The following HECW2 variants were observed in gnomAD, a reference collection of about 807,000 sequenced individuals.
The protein encoded by HECW2 is E3 ubiquitin-protein ligase HECW2.
Under a neutral mutation model 175.2 loss-of-function variants are expected in HECW2, and 61 were observed. The ratio of observed to expected loss-of-function variants is 0.35; its 90% CI spans 0.28 to 0.43. The LOEUF is 0.43. HECW2 is among the 20% of genes least tolerant of loss of function. The pLI, the probability that HECW2 is intolerant of heterozygous loss-of-function variation, is 1.00. For missense variants in HECW2, 1,524 were observed against 2,000.5 expected (o/e 0.76, Z 4.54); for synonymous variants, 671 against 731.0 (o/e 0.92, Z 1.32).
intron 28 of HECW2, among the ~76,000 whole-genome samples, chr2:196,206,405 C>T (rs116213052): frequency 6.7e-4 from 102 of 152,302 alleles, no homozygotes; most frequent in African/African-American, 2.3e-3. Context: ...CATGCTTACC[C>T]TCCCTTTTTC....
At chr2:196,412,052 G>A (rs1695127304) in intron 2 of HECW2, among the ~76,000 whole-genome samples, 1 of 152,042 alleles carries the variant, frequency 6.6e-6, no homozygotes, top group South Asian at 2.1e-4. Flanking sequence ...AATTACACGG[G>A]AAGATCTTGT....
chr2:196,376,231 CA>C (rs2105912098), intron 2 of HECW2, among the ~76,000 whole-genome samples: 1 of 152,284 alleles, frequency 6.6e-6, no homozygotes, highest in South Asian at 2.1e-4. Context: ...ATTTAAACAA[CA>C]ATTTGAAGAG....
At chr2:196,420,405 G>A (rs1412614078) in intron 2 of HECW2, among the ~76,000 whole-genome samples, 1 of 152,220 alleles carries the variant, frequency 6.6e-6, no homozygotes, top group Non-Finnish European at 1.5e-5. Flanking sequence ...AAGATTGCAA[G>A]CGTAAGATTG....
At chr2:196,423,684 TTGTGTGTG>T (rs60030164) in intron 2 of HECW2, among the ~76,000 whole-genome samples, 9 of 139,944 alleles carry the variant, frequency 6.4e-5, no homozygotes, top group African/African-American at 1.4e-4. Context: ...TAGTATTCCA[TTGTGTGTG>T]TGTGTGTGTG....
intron 1 of HECW2, among the ~76,000 whole-genome samples, chr2:196,566,245 T>C (rs960346478): frequency 6.7e-6 from 1 of 149,964 alleles, no homozygotes; most frequent in Non-Finnish European, 1.5e-5. Context: ...GTGTAAATGG[T>C]TGTTCCATTA....
chr2:196,438,945 G>A (rs1193764656), intron 1 of HECW2, among the ~76,000 whole-genome samples: 1 of 152,178 alleles, frequency 6.6e-6, no homozygotes, highest in African/African-American at 2.4e-5. Flanking sequence ...ATGAAGTGGG[G>A]AAGGGATGGA....
chr2:196,378,827 A>G (rs1159921884), intron 2 of HECW2, among the ~76,000 whole-genome samples: 1 of 152,226 alleles, frequency 6.6e-6, no homozygotes, highest in Non-Finnish European at 1.5e-5. Flanking sequence ...AAAATCAATG[A>G]GAAACATTCT....
chr2:196,442,956 C>T (rs1053822018), intron 1 of HECW2, among the ~76,000 whole-genome samples: 19 of 151,798 alleles, frequency 1.3e-4, no homozygotes, highest in East Asian at 3.9e-4. Context: ...TCTGATAAAC[C>T]GAAACAGAAA....
chr2:196,559,700 C>T (rs747234719), intron 1 of HECW2, among the ~76,000 whole-genome samples: 1 of 152,116 alleles, frequency 6.6e-6, no homozygotes, highest in Non-Finnish European at 1.5e-5. Flanking sequence ...AGAAAGAATA[C>T]AGAAAGCAGA....
At chr2:196,546,207 A>G (rs1411103634) in intron 1 of HECW2, among the ~76,000 whole-genome samples, 2 of 152,154 alleles carry the variant, frequency 1.3e-5, no homozygotes, top group Admixed American at 6.5e-5. Context: ...CTGTGGTTAG[A>G]TTCTTTGAGG....
At chr2:196,591,339 C>T (rs566160404) in intron 1 of HECW2, among the ~76,000 whole-genome samples, 9 of 152,232 alleles carry the variant, frequency 5.9e-5, no homozygotes, top group African/African-American at 1.9e-4. Flanking sequence ...TAAAGTCTTT[C>T]CAGCCAGAAG....
intron 10 of HECW2, chr2:196,316,556 A>T (rs1431323433): frequency 6.6e-6 from 1 of 152,216 alleles, no homozygotes; most frequent in Non-Finnish European, 1.5e-5. Flanking sequence ...CATTGCTCTC[A>T]TAGAGCTACA....
intron 1 of HECW2, among the ~76,000 whole-genome samples, chr2:196,540,260 TC>T (rs549531694): frequency 1.5e-3 from 233 of 152,344 alleles, no homozygotes; most frequent in African/African-American, 5.3e-3. Context: ...TGAATGTTAC[TC>T]CTTTAAACTT....
At chr2:196,343,531 AT>A (rs1293009489) in intron 3 of HECW2, 125 bp downstream of exon 3, 2 of 654,830 alleles carry the variant, frequency 3.1e-6, no homozygotes, top group African/African-American at 3.7e-5. Context: ...TATATTTTCC[AT>A]CATGGCATAA....
At chr2:196,564,576 G>C (rs906971190) in intron 1 of HECW2, among the ~76,000 whole-genome samples, 1 of 152,134 alleles carries the variant, frequency 6.6e-6, no homozygotes, top group Non-Finnish European at 1.5e-5. Flanking sequence ...GAATGCAACA[G>C]ATGGATCTTA....
chr2:196,435,628 C>T (rs2125277538), intron 1 of HECW2, among the ~76,000 whole-genome samples: 1 of 152,296 alleles, frequency 6.6e-6, no homozygotes, highest in Non-Finnish European at 1.5e-5. Flanking sequence ...TTTAAATTAT[C>T]TGTATTTAAG....
intron 2 of HECW2, among the ~76,000 whole-genome samples, chr2:196,423,474 C>G (rs550169017): frequency 6.6e-6 from 1 of 152,008 alleles, no homozygotes; most frequent in African/African-American, 2.4e-5. Context: ...AGTTCATTGA[C>G]AAAAGTTATT....
At chr2:196,556,355 T>C (rs1338881155) in intron 1 of HECW2, among the ~76,000 whole-genome samples, 1 of 152,192 alleles carries the variant, frequency 6.6e-6, no homozygotes, top group Non-Finnish European at 1.5e-5. Context: ...CAATATATTA[T>C]TATTCACTAT....
chr2:196,247,210 C>T (rs971452661), intron 19 of HECW2, among the ~76,000 whole-genome samples: 5 of 152,124 alleles, frequency 3.3e-5, no homozygotes, highest in African/African-American at 1.2e-4. Context: ...GACATCGCAC[C>T]ACTGCACTCC....
Sources: gnomAD v4.1 joint callset for allele counts (sites outside exome capture counted in the v4.1 genomes callset) on GRCh38, gnomAD v4.1.1 for gene constraint, MANE v1.5 for transcripts, NCBI Gene and HGNC (gene_info 2026-07-23, HGNC 2026-07-21) for gene names.